GALNT13: variants seen among roughly 807,000 people sequenced by gnomAD.
GALNT13 encodes the protein polypeptide N-acetylgalactosaminyltransferase 13.
GALNT13 carries 28 observed loss-of-function variants against 64.2 expected under a neutral mutation model. That is an observed-to-expected ratio of 0.44 (90% CI 0.32 to 0.60). The LOEUF (loss-of-function observed/expected upper bound fraction) is 0.60, where lower values mean the gene tolerates loss of function less well. GALNT13 is among the 20% of genes least tolerant of loss of function. The pLI is 0.05. For missense variants in GALNT13, 577 were observed against 669.8 expected, an observed-to-expected ratio of 0.86 and a Z score of 1.53; for synonymous variants, 214 against 224.6, an observed-to-expected ratio of 0.95 and a Z score of 0.42.
chr2:153,243,273 G>A, the GALNT13 span, among the ~76,000 whole-genome samples: 1 of 152,086 alleles, frequency 6.6e-6, no homozygotes, highest in South Asian at 2.1e-4. Context: ...TCCTTCTGGG[G>A]GATCCAGGAT....
chr2:153,845,756 T>G, the GALNT13 span, among the ~76,000 whole-genome samples: 2 of 150,246 alleles, frequency 1.3e-5, no homozygotes, highest in East Asian at 1.9e-4. Context: ...AACCACAAAT[T>G]TACGAATTTC....
intron 3 of GALNT13, among the ~76,000 whole-genome samples, chr2:153,988,741 A>C (rs1428431645): frequency 6.6e-6 from 1 of 151,978 alleles, no homozygotes; most frequent in Non-Finnish European, 1.5e-5. Context: ...GTGAAAATTT[A>C]AGAGGATGAT....
At chr2:153,886,186 A>T (rs961892078) in intron 1 of GALNT13, among the ~76,000 whole-genome samples, 3 of 151,760 alleles carry the variant, frequency 2.0e-5, no homozygotes, top group Non-Finnish European at 1.5e-5. Context: ...CTGAAAAAAA[A>T]AAAACAAATT....
the GALNT13 span, among the ~76,000 whole-genome samples, chr2:153,855,604 T>C: frequency 1.3e-5 from 2 of 152,166 alleles, no homozygotes; most frequent in Admixed American, 6.5e-5. Flanking sequence ...GTCCAGGATG[T>C]AGAGAAATTG....
chr2:154,396,139 T>G lies in GALNT13; in HGVS notation c.1296+9T>G. On this transcript the variant is annotated intron_variant, in intron 10 of 12. Coordinates refer to ENST00000392825, the MANE Select transcript of GALNT13 (RefSeq NM_052917.4). ...ATTACTCACTTGGTGAGGTATGAATTATTTATTTTGGTTAAGTTATAAATA... is the reference window on the plus strand; with the variant it reads ...ATTACTCACTTGGTGAGGTATGAATGATTTATTTTGGTTAAGTTATAAATA... 1 of 1,567,554 alleles carries G rather than the reference T, an allele frequency of 6.4e-7. No individual in the cohort carries two copies. The highest frequency in any genetic ancestry group is 8.6e-7 in the Non-Finnish European group (1 of 1,161,918).
the GALNT13 span, among the ~76,000 whole-genome samples, chr2:153,642,984 A>C: frequency 6.6e-6 from 1 of 151,618 alleles, no homozygotes; most frequent in South Asian, 2.1e-4. Context: ...AAAAGAAAAC[A>C]AAAATCATTA....
intron 2 of GALNT13, among the ~76,000 whole-genome samples, chr2:153,929,249 G>A (rs1186381044): frequency 1.3e-5 from 2 of 152,148 alleles, no homozygotes; most frequent in Non-Finnish European, 2.9e-5. Context: ...GGTCGAGTGG[G>A]CCACAGCACT....
chr2:153,786,806 T>C, the GALNT13 span, among the ~76,000 whole-genome samples: 1 of 152,014 alleles, frequency 6.6e-6, no homozygotes, highest in African/African-American at 2.4e-5. Flanking sequence ...ACCCTCAGAC[T>C]AACAAAGGAG....
the GALNT13 span, among the ~76,000 whole-genome samples, chr2:153,495,326 CAACAACAACAAA>C: frequency 0.021 from 3,155 of 149,876 alleles, 110 homozygotes; most frequent in African/African-American, 0.071. Context: ...AACAAACAAA[CAACAACAACAAA>C]AACAACAACA....
At chr2:153,557,878 G>A in the GALNT13 span, among the ~76,000 whole-genome samples, 4 of 151,926 alleles carry the variant, frequency 2.6e-5, no homozygotes, top group African/African-American at 9.7e-5. Context: ...CAGTCCCCTC[G>A]GCCTGGGAAA....
chr2:153,775,459 C>A, the GALNT13 span, among the ~76,000 whole-genome samples: 2 of 152,082 alleles, frequency 1.3e-5, no homozygotes, highest in Non-Finnish European at 2.9e-5. Context: ...ATTCTACTTA[C>A]TTTTCAGATT....
At position 153,903,171 on chromosome 2, in the gene GALNT13, C is replaced by A. The variant is rs568856778; in HGVS notation, c.-105+2164C>A. Among the ~76,000 whole-genome samples, 6 of 151,854 alleles carry A rather than the reference C, an allele frequency of 4.0e-5. No homozygotes were observed. The South Asian group carries it at 1.2e-3, about 32-fold the overall frequency. On this transcript the variant is annotated intron_variant, in intron 2 of 12. Transcript: ENST00000392825. ...TATTATATTATTCAATTATAAGTTA[C>A]GATAGTAAACATGTCATCTTAATCT... is the stretch of plus-strand genomic sequence containing the variant.
the GALNT13 span, among the ~76,000 whole-genome samples, chr2:153,699,804 C>T: frequency 6.6e-6 from 1 of 152,102 alleles, no homozygotes; most frequent in African/African-American, 2.4e-5. Flanking sequence ...GAAGTTGAAT[C>T]CCTGAATAGA....
intron 11 of GALNT13, among the ~76,000 whole-genome samples, chr2:154,414,505 A>AT (rs1559141908): frequency 8.0e-5 from 4 of 49,798 alleles, no homozygotes; most frequent in South Asian, 6.2e-4. Context: ...CCTGTGTATT[A>AT]TATTTTTTTT....
At chr2:153,174,917 A>AT in the GALNT13 span, among the ~76,000 whole-genome samples, 1 of 151,954 alleles carries the variant, frequency 6.6e-6, no homozygotes, top group South Asian at 2.1e-4. Context: ...TCACTTTCAC[A>AT]TTTTCAGGTA....
chr2:153,158,508 T>C, the GALNT13 span, among the ~76,000 whole-genome samples: 1 of 152,198 alleles, frequency 6.6e-6, no homozygotes, highest in Non-Finnish European at 1.5e-5. Context: ...AGTCTATTCC[T>C]GGACTCTTAA....
At chr2:154,137,496 A>C (rs1163996964) in intron 3 of GALNT13, among the ~76,000 whole-genome samples, 1 of 152,188 alleles carries the variant, frequency 6.6e-6, no homozygotes, top group African/African-American at 2.4e-5. Context: ...AGTCCTAGGT[A>C]TACGGACACT....
chr2:153,609,192 G>A, the GALNT13 span, among the ~76,000 whole-genome samples: 2 of 143,752 alleles, frequency 1.4e-5, no homozygotes, highest in Non-Finnish European at 3.0e-5. Context: ...GCCCCCCAAA[G>A]TGCTGCAATT....
At chr2:153,720,316 A>C in the GALNT13 span, among the ~76,000 whole-genome samples, 3 of 146,752 alleles carry the variant, frequency 2.0e-5, no homozygotes, top group Admixed American at 2.0e-4. Flanking sequence ...TCTGTACATC[A>C]CCATCATCAA....
Sources: allele counts gnomAD v4.1 joint callset (sites outside exome capture counted in the v4.1 genomes callset), GRCh38; gene constraint gnomAD v4.1.1; transcripts MANE v1.5; gene names NCBI Gene and HGNC (gene_info 2026-07-23, HGNC 2026-07-21).